PTPRD: variants seen among roughly 807,000 people sequenced by gnomAD.
PTPRD encodes the protein protein tyrosine phosphatase receptor type D.
Under a neutral mutation model 214.5 loss-of-function variants are expected in PTPRD, and 34 were observed. The observed-to-expected ratio is 0.16, with a 90% CI of 0.12 to 0.21. The LOEUF (loss-of-function observed/expected upper bound fraction) is 0.21. Among genes scored for constraint, PTPRD ranks in the 10% least tolerant of loss-of-function variants. PTPRD has a pLI of 1.00. For synonymous variants in PTPRD, 1,128 were observed against 845.7 expected (o/e 1.33, Z -5.79); for missense variants, 2,545 against 2,398.7 (o/e 1.06, Z -1.27).
At chr9:8,755,951 A>G (rs1387778569) in intron 11 of PTPRD, among the ~76,000 whole-genome samples, 3 of 152,240 alleles carry the variant, frequency 2.0e-5, no homozygotes, top group East Asian at 1.9e-4. Flanking sequence ...GCATGATAAT[A>G]TGTGTTAAGA....
intron 12 of PTPRD, among the ~76,000 whole-genome samples, chr9:8,722,129 G>C (rs1450478662): frequency 2.2e-5 from 1 of 46,020 alleles, no homozygotes; most frequent in African/African-American, 2.0e-4. Context: ...TACTCTGTGT[G>C]TGTGTGTGTG....
At chr9:8,748,306 C>T (rs1288162103) in intron 11 of PTPRD, among the ~76,000 whole-genome samples, 1 of 151,798 alleles carries the variant, frequency 6.6e-6, no homozygotes, top group African/African-American at 2.4e-5. Context: ...TAGCTCACAC[C>T]CAACCAATCA....
intron 7 of PTPRD, among the ~76,000 whole-genome samples, chr9:9,672,850 G>C (rs779906878): frequency 6.6e-6 from 1 of 152,020 alleles, no homozygotes; most frequent in Non-Finnish European, 1.5e-5. Context: ...AATAAAAACA[G>C]TATAAAAGTG....
chr9:8,808,449 A>C (rs1296906742), intron 11 of PTPRD, among the ~76,000 whole-genome samples: 1 of 148,392 alleles, frequency 6.7e-6, no homozygotes, highest in Non-Finnish European at 1.5e-5. Flanking sequence ...GTAGAATTTT[A>C]AAAGCCCCCC....
chr9:10,146,150 C>CATAT (rs56191246), intron 3 of PTPRD, among the ~76,000 whole-genome samples: 14,423 of 147,232 alleles, frequency 0.098, 771 homozygotes, highest in Admixed American at 0.15. Flanking sequence ...TGAAATCATC[C>CATAT]ATATATATAT....
intron 33 of PTPRD, among the ~76,000 whole-genome samples, chr9:8,456,398 C>G (rs1462754185): frequency 6.6e-6 from 1 of 152,044 alleles, no homozygotes; most frequent in Non-Finnish European, 1.5e-5. Flanking sequence ...AGGTAGCATC[C>G]TAGCTTACTT....
At chr9:8,941,720 A>T (rs1338563464) in intron 11 of PTPRD, among the ~76,000 whole-genome samples, 1 of 152,236 alleles carries the variant, frequency 6.6e-6, no homozygotes, top group African/African-American at 2.4e-5. Flanking sequence ...ATCTCACAAA[A>T]ATCCAGCAAA....
intron 19 of PTPRD, among the ~76,000 whole-genome samples, chr9:8,522,729 G>C (rs561284812): frequency 2.6e-5 from 4 of 152,326 alleles, no homozygotes; most frequent in South Asian, 2.1e-4. Context: ...AGGAGAAAGT[G>C]AAAGATAAAT....
chr9:10,436,844 G>A (rs1426500288), intron 2 of PTPRD, among the ~76,000 whole-genome samples: 1 of 151,770 alleles, frequency 6.6e-6, no homozygotes, highest in Non-Finnish European at 1.5e-5. Context: ...ACTAACGCCT[G>A]AGGCTTGGTT....
At chr9:8,521,912 T>C (rs537346329) in intron 19 of PTPRD, among the ~76,000 whole-genome samples, 111 of 152,296 alleles carry the variant, frequency 7.3e-4, no homozygotes, top group Middle Eastern at 3.4e-3. Flanking sequence ...GGCATGTATA[T>C]GCAGAAAAGG....
intron 5 of PTPRD, among the ~76,000 whole-genome samples, chr9:9,839,514 C>A (rs549828096): frequency 1.3e-5 from 2 of 151,962 alleles, no homozygotes; most frequent in African/African-American, 4.8e-5. Context: ...AGGACCTCTT[C>A]AAGGAGAACT....
At chr9:9,955,506 T>TG (rs2093827434) in intron 4 of PTPRD, among the ~76,000 whole-genome samples, 1 of 149,808 alleles carries the variant, frequency 6.7e-6, no homozygotes, top group East Asian at 2.0e-4. Context: ...GTTTTCGTTT[T>TG]TTTTGTTTTG....
rs1434141838 is a variant in PTPRD, at chr9:9,932,759, C to G, written c.-368+5748G>C. On this transcript the variant is annotated intron_variant, in intron 5 of 45. Transcript: ENST00000381196. The stretch of plus-strand genomic sequence containing the variant: ...AAGATACTCCTCGAGAAGAGCAACT[C>G]CAAGACACATAATTGTCAGATTCAC... Among the ~76,000 whole-genome samples the G allele has an allele frequency of 4.8e-5, 5 of 104,286 alleles. No homozygotes were observed. The Admixed American group carries it at 5.0e-4, about 10-fold the overall frequency. The allele number at this position is 104,286 out of a possible 152,430, so 68.4% of individuals were successfully genotyped here.
chr9:10,083,349 T>G (rs561534379), intron 3 of PTPRD, among the ~76,000 whole-genome samples: 21 of 152,156 alleles, frequency 1.4e-4, no homozygotes, highest in African/African-American at 4.8e-4. Flanking sequence ...TCAATGCCTA[T>G]GTAGGTTTTC....
chr9:8,818,827 G>C (rs1479335315), intron 11 of PTPRD, among the ~76,000 whole-genome samples: 1 of 152,132 alleles, frequency 6.6e-6, no homozygotes, highest in Non-Finnish European at 1.5e-5. Flanking sequence ...GGCCATTTTT[G>C]ATATCAACAT....
At position 10,582,418 on chromosome 9, in the gene PTPRD, A is replaced by C. The variant is rs554626335; in HGVS notation, c.-600+29980T>G. ...TTATGCTAATATCAATTTAGAATCA[A>C]TGTTAAAGTTCTCCTCAAATCCACT... is the stretch of plus-strand genomic sequence containing the variant. On this transcript the variant is annotated intron_variant, in intron 2 of 45. Coordinates refer to ENST00000381196, the MANE Select transcript of PTPRD (RefSeq NM_002839.4). Among the ~76,000 whole-genome samples the C allele has an allele frequency of 3.9e-5, 6 of 152,300 alleles. No individual in the cohort carries two copies. In the South Asian group the frequency reaches 8.3e-4, roughly 21 times the overall value.
At chr9:10,150,629 G>A (rs1353725265) in intron 3 of PTPRD, among the ~76,000 whole-genome samples, 3 of 150,024 alleles carry the variant, frequency 2.0e-5, no homozygotes, top group East Asian at 3.9e-4. Context: ...TGTAAGTTGT[G>A]CACATGTACC....
intron 8 of PTPRD, among the ~76,000 whole-genome samples, chr9:9,534,747 T>C (rs1375895838): frequency 2.6e-5 from 4 of 152,070 alleles, no homozygotes; most frequent in African/African-American, 9.7e-5. Flanking sequence ...CCTGGAATCA[T>C]TGTACATAGT....
intron 10 of PTPRD, among the ~76,000 whole-genome samples, chr9:9,050,557 C>T (rs1410284382): frequency 6.6e-6 from 1 of 152,148 alleles, no homozygotes; most frequent in Non-Finnish European, 1.5e-5. Flanking sequence ...GCAGTTTGAA[C>T]ATATTAAATG....
Sources: gnomAD v4.1 joint callset for allele counts (sites outside exome capture counted in the v4.1 genomes callset) on GRCh38, gnomAD v4.1.1 for gene constraint, MANE v1.5 for transcripts, NCBI Gene and HGNC (gene_info 2026-07-23, HGNC 2026-07-21) for gene names.